HIP1R: variants seen among roughly 807,000 people sequenced by gnomAD.
The protein encoded by HIP1R is huntingtin-interacting protein 1-related protein.
Under a neutral mutation model 144.2 loss-of-function variants are expected in HIP1R, and 135 were observed. That is an observed-to-expected ratio of 0.94 (90% confidence interval 0.81 to 1.08). HIP1R has a LOEUF of 1.08. Among genes scored for constraint, HIP1R ranks in the 50% least tolerant of loss-of-function variants. The probability of loss-of-function intolerance (pLI) is 0.00; values close to 1 mark genes in which losing one functional copy is unlikely to be tolerated. For missense variants in HIP1R, 1,462 were observed against 1,432.8 expected (o/e 1.02, Z -0.33); for synonymous variants, 698 against 612.8 (o/e 1.14, Z -2.05).
At chr12:122,838,702 G>C (rs1593857762) in intron 1 of HIP1R, among the ~76,000 whole-genome samples, 1 of 152,244 alleles carries the variant, frequency 6.6e-6, no homozygotes, top group East Asian at 1.9e-4. Flanking sequence ...CATCAGCTGA[G>C]ATGGTCCTTG....
At chr12:122,837,028 ATAAT>A (rs2032918070) in intron 1 of HIP1R, among the ~76,000 whole-genome samples, 1 of 152,238 alleles carries the variant, frequency 6.6e-6, no homozygotes, top group African/African-American at 2.4e-5. Context: ...TCACCAATAC[ATAAT>A]TAATTGTGCC....
chr12:122,847,972 G>A (rs975416802), intron 1 of HIP1R, 59 bp from the exon 2 acceptor site: 23 of 1,524,178 alleles, frequency 1.5e-5, no homozygotes, highest in Non-Finnish European at 2.0e-5. Flanking sequence ...CCCCCTTGGG[G>A]TGGTGTCTCC....
In HIP1R at chr12:122,861,863, C is replaced by CG; in HGVS notation, c.*110_*111insG. ...CACCTGGTGCCCAAGCCTCCCGCCC[C>CG]ACCGTCTGGATCAATGTCCTCAAGG... On this transcript the variant is annotated 3_prime_UTR_variant, in exon 32 of 32. Transcript: ENST00000253083. 1.0e-6 allele frequency: 1 copy of CG among 999,840 alleles called. No individual in the cohort carries two copies. Among genetic ancestry groups the CG allele is most frequent in the South Asian group, 1.4e-5 (1 of 69,004 alleles). The allele number at this position is 999,840 out of a possible 1,614,324, so 61.9% of individuals were successfully genotyped here.
chr12:122,849,220 G>C (rs1407176139), intron 4 of HIP1R, among the ~76,000 whole-genome samples: 1 of 152,260 alleles, frequency 6.6e-6, no homozygotes, highest in Non-Finnish European at 1.5e-5. Flanking sequence ...TCTGCATTTT[G>C]AGCACACACA....
intron 3 of HIP1R, 40 bp downstream of exon 3, chr12:122,848,648 C>A: frequency 6.3e-7 from 1 of 1,598,126 alleles, no homozygotes; most frequent in South Asian, 1.1e-5. Flanking sequence ...GGAGCTGGGG[C>A]ACTGTCCCGC....
Position 122,849,888 on chromosome 12 carries a change from A to G in HIP1R, c.371A>G (p.Asp124Gly), listed in dbSNP as rs2033323008. 2 of 1,613,024 alleles carry G rather than the reference A, an allele frequency of 1.2e-6. No individual in the cohort carries two copies. The highest frequency in any genetic ancestry group is 1.7e-5 in the Admixed American group (1 of 59,986). Reference sequence around the variant, plus strand: ...GTCTTCACACAGGGACATTTGCATGACCGCTACGGACAGCTGGTGAATGTC... The same window carrying G: ...GTCTTCACACAGGGACATTTGCATGGCCGCTACGGACAGCTGGTGAATGTC... ...EIGDLWGHLHDRYGQLVNVYT... is the reference protein window; with the variant it reads ...EIGDLWGHLHGRYGQLVNVYT... Residue 124 changes from aspartate to glycine, a missense_variant, in exon 5 of 32, where the codon GAC becomes GGC. By Grantham distance (94) the Asp-to-Gly change is moderately conservative. Transcript: ENST00000253083.
At chr12:122,847,832 A>G (rs1430167995) in intron 1 of HIP1R, among the ~76,000 whole-genome samples, 199 bp from the exon 2 acceptor site, 1 of 152,128 alleles carries the variant, frequency 6.6e-6, no homozygotes, top group Non-Finnish European at 1.5e-5. Context: ...CTTGGTGTTC[A>G]CTGTAGTTCC....
At chr12:122,835,931 C>G (rs1256561509) in intron 1 of HIP1R, among the ~76,000 whole-genome samples, 1 of 150,510 alleles carries the variant, frequency 6.6e-6, no homozygotes, top group Non-Finnish European at 1.5e-5. Context: ...GGGCCGGGGT[C>G]AGGGTGTGCG....
At chr12:122,839,498 A>C (rs1400344642) in intron 1 of HIP1R, among the ~76,000 whole-genome samples, 2 of 152,162 alleles carry the variant, frequency 1.3e-5, no homozygotes, top group African/African-American at 4.8e-5. Context: ...CATAGGTCCA[A>C]TTTTCCAGGT....
In HIP1R at chr12:122,856,249, C is replaced by T. The variant is rs2033572792; in HGVS notation, c.1313-7C>T. 6.2e-7 allele frequency: 1 copy of T among 1,613,458 alleles called. No individual in the cohort carries two copies. Among genetic ancestry groups the T allele is most frequent in the African/African-American group, 1.3e-5 (1 of 74,874 alleles). On this transcript the variant is annotated splice_polypyrimidine_tract_variant and splice_region_variant and intron_variant, in intron 14 of 31. Coordinates refer to ENST00000253083, the MANE Select transcript of HIP1R (RefSeq NM_003959.3). ...CGGGGCATCACTGCCCCTCCTCTCG[C>T]CCCCAGGGAAGGCCAGTGCCACGGA...
At chr12:122,852,285 T>C (rs2033422755) in intron 7 of HIP1R, among the ~76,000 whole-genome samples, 1 of 152,208 alleles carries the variant, frequency 6.6e-6, no homozygotes, top group African/African-American at 2.4e-5. Flanking sequence ...AGTTGGACCC[T>C]TGTGCCTGGG....
intron 5 of HIP1R, chr12:122,850,197 A>ATGAGC (rs2033334106): frequency 1.5e-6 from 1 of 646,834 alleles, no homozygotes; most frequent in Admixed American, 2.1e-5. Flanking sequence ...TTCTGTGGAC[A>ATGAGC]TGAGCGCTGG....
chr12:122,859,417 C>T lies in HIP1R; in HGVS notation c.2296-9C>T, dbSNP rs767563880. 1 of 1,610,058 alleles carries T rather than the reference C, an allele frequency of 6.2e-7. No homozygotes were observed. Among genetic ancestry groups the T allele is most frequent in the Admixed American group, 1.7e-5 (1 of 60,000 alleles). On this transcript the variant is annotated splice_polypyrimidine_tract_variant and intron_variant, in intron 22 of 31. Coordinates refer to ENST00000253083, the MANE Select transcript of HIP1R (RefSeq NM_003959.3). ...GAGGCTACCCCTGTCTGACTCCCAT[C>T]CTCACCAGGAACTGAAACCCAAGAG...
chr12:122,857,296 T>G (rs2033617225), intron 18 of HIP1R, 81 bp downstream of exon 18: 1 of 1,280,082 alleles, frequency 7.8e-7, no homozygotes, highest in Non-Finnish European at 1.1e-6. Context: ...GATCTGCCTG[T>G]TCTAGAGATT....
In HIP1R at chr12:122,855,292, G is replaced by T; in HGVS notation, c.880G>T (p.Ala294Ser). The T allele has an allele frequency of 2.5e-6, 4 of 1,612,776 alleles. No individual in the cohort carries two copies. Among genetic ancestry groups the T allele is most frequent in the Non-Finnish European group, 3.4e-6 (4 of 1,179,910 alleles). Residue 294 changes from alanine to serine, a missense_variant, in exon 11 of 32, where the codon GCC (alanine) becomes TCC (serine). Ala to Ser is a moderately conservative substitution (Grantham distance 99). Coordinates refer to ENST00000253083, the MANE Select transcript of HIP1R (RefSeq NM_003959.3). The part of the protein sequence containing the change: ...EGPPNFLRAS[A>S]LAEHIKPVVV... ...ACCCCCTAACTTCCTGCGGGCCTCA[G>T]CCCTGGCTGAGCACATCAAGCCGGT... is the stretch of plus-strand genomic sequence containing the variant.
At chr12:122,860,255 C>A (rs777869027) in intron 26 of HIP1R, 45 bp downstream of exon 26, 2 of 1,532,536 alleles carry the variant, frequency 1.3e-6, no homozygotes, top group Admixed American at 2.0e-5. Flanking sequence ...AGGAGCCTGA[C>A]CCCCAGCCTA....
Position 122,861,443 on chromosome 12 carries a change from C to T in HIP1R, c.3088C>T (p.Pro1030Ser), listed in dbSNP as rs1293704777. Residue 1030 changes from proline (P) to serine (S), a missense_variant, in exon 31 of 32, where the codon CCC becomes TCC. By Grantham distance (74) the Pro-to-Ser change is moderately conservative. This residue lies in a region of HIP1R where 1,112 missense variants were observed against 1,011.7 expected (regional missense o/e 1.10). Coordinates refer to ENST00000253083, the MANE Select transcript of HIP1R (RefSeq NM_003959.3). ...GGTGGCCATCCGGCCCAGCACTGCCCCCCGAAGTGTAACCACCAAGAAACC... is the reference window on the plus strand; with the variant it reads ...GGTGGCCATCCGGCCCAGCACTGCCTCCCGAAGTGTAACCACCAAGAAACC... ...EEVAIRPSTA[P>S]RSVTTKKPPL... 1 of 1,613,524 alleles carries T rather than the reference C, an allele frequency of 6.2e-7. No homozygotes were observed. Among genetic ancestry groups the T allele is most frequent in the Non-Finnish European group, 8.5e-7 (1 of 1,179,880 alleles).
At chr12:122,842,291 G>A (rs1310621339) in intron 1 of HIP1R, among the ~76,000 whole-genome samples, 1 of 152,196 alleles carries the variant, frequency 6.6e-6, no homozygotes, top group Admixed American at 6.5e-5. Flanking sequence ...AGCACAGGGA[G>A]GCTTACGTCT....
chr12:122,856,772 C>T (rs769430242), intron 17 of HIP1R, 46 bp downstream of exon 17: 19 of 1,466,642 alleles, frequency 1.3e-5, no homozygotes, highest in Admixed American at 2.0e-5. Flanking sequence ...GGGGCCAGTC[C>T]TGGGTGGAAG....
Sources: gnomAD v4.1 joint callset for allele counts (sites outside exome capture counted in the v4.1 genomes callset) on GRCh38, gnomAD v4.1.1 for gene constraint, gnomAD v4.1.1 regional missense constraint, MANE v1.5 for transcripts, NCBI Gene and HGNC (gene_info 2026-07-23, HGNC 2026-07-21) for gene names.